DAGLB: variants seen among roughly 807,000 people sequenced by gnomAD.
DAGLB encodes the protein diacylglycerol lipase beta, also known as diacylglycerol lipase-beta.
A neutral mutation model predicts 72.1 loss-of-function variants in DAGLB; 66 were observed. The ratio of observed to expected loss-of-function variants is 0.92; its 90% CI spans 0.75 to 1.12. DAGLB has a LOEUF of 1.12. Among genes scored for constraint, DAGLB ranks in the 50% most tolerant of loss-of-function variants. The probability of loss-of-function intolerance (pLI) is 0.00; values close to 1 mark genes in which losing one functional copy is unlikely to be tolerated. For missense variants in DAGLB, 1,065 were observed against 884.9 expected (o/e 1.20, Z -2.58); for synonymous variants, 414 against 359.5 (o/e 1.15, Z -1.71).
chr7:6,415,528 GAATCAGCAAA>G (rs1783879219), intron 11 of DAGLB, among the ~76,000 whole-genome samples: 1 of 149,688 alleles, frequency 6.7e-6, no homozygotes, highest in Non-Finnish European at 1.5e-5. Flanking sequence ...CAGTATGCTG[GAATCAGCAAA>G]AAAAAATATA....
chr7:6,421,947 A>G (rs766109691), intron 8 of DAGLB, 143 bp from the exon 9 acceptor site: 39 of 927,322 alleles, frequency 4.2e-5, no homozygotes, highest in Non-Finnish European at 4.9e-5. Context: ...ACTGAACCCT[A>G]AACTAAAGAG....
At chr7:6,419,794 T>A (rs759784804) in intron 9 of DAGLB, among the ~76,000 whole-genome samples, 1 of 152,190 alleles carries the variant, frequency 6.6e-6, no homozygotes, top group Non-Finnish European at 1.5e-5. Context: ...CAGTTCCTCC[T>A]TTCCTCACAC....
rs560719564 is a variant in DAGLB, at chr7:6,428,332, A to G, written c.929+2148T>C. On this transcript the variant is annotated intron_variant, in intron 6 of 14. Transcript: ENST00000297056. ...CTCTGTCTCAAAAAAAAAAAAAAAAAAAAGAAAGAAAGAAAGAAAAAGAAA... is the reference window on the plus strand; with the variant it reads ...CTCTGTCTCAAAAAAAAAAAAAAAAGAAAGAAAGAAAGAAAGAAAAAGAAA... 3.9e-4 allele frequency among the ~76,000 whole-genome samples: 59 copies of G among 150,432 alleles called. 2 individuals carry two copies. The highest frequency in any genetic ancestry group is 1.2e-3 in the South Asian group (6 of 4,808).
At chr7:6,418,670 GTT>G (rs56699721) in intron 9 of DAGLB, among the ~76,000 whole-genome samples, 15 of 144,466 alleles carry the variant, frequency 1.0e-4, no homozygotes, top group African/African-American at 1.0e-4. Context: ...TTCTTTTTTT[GTT>G]TTTTTTTTTT....
At chr7:6,446,691 T>C (rs1214276932) in intron 1 of DAGLB, among the ~76,000 whole-genome samples, 1 of 150,190 alleles carries the variant, frequency 6.7e-6, no homozygotes, top group African/African-American at 2.4e-5. Flanking sequence ...TCACTGCACC[T>C]GGCCTGGAAT....
intron 4 of DAGLB, among the ~76,000 whole-genome samples, chr7:6,433,206 T>C (rs1399616003): frequency 6.6e-6 from 1 of 152,232 alleles, no homozygotes; most frequent in Non-Finnish European, 1.5e-5. Flanking sequence ...TCTTAAAATT[T>C]CACTTCATGT....
rs750068179 is a variant in DAGLB, at chr7:6,416,829, C to G, written c.1299+12G>C. ...AAGAGGACAAGGAAAGAAACGTTAA[C>G]TAAGATCTCACAGGAGCAATGCTGA... is the stretch of plus-strand genomic sequence containing the variant. On this transcript the variant is annotated intron_variant, in intron 10 of 14. Coordinates refer to ENST00000297056, the MANE Select transcript of DAGLB (RefSeq NM_139179.4). 1.2e-6 allele frequency: 2 copies of G among 1,614,232 alleles called. No homozygotes were observed. Among genetic ancestry groups the G allele is most frequent in the Non-Finnish European group, 1.7e-6 (2 of 1,180,042 alleles).
intron 9 of DAGLB, among the ~76,000 whole-genome samples, chr7:6,419,760 G>C (rs1562480608): frequency 6.6e-6 from 1 of 152,184 alleles, no homozygotes; most frequent in Non-Finnish European, 1.5e-5. Flanking sequence ...ACGGGTTTCT[G>C]GGGCATCTCT....
At chr7:6,436,595 T>C (rs1583298796) in intron 2 of DAGLB, 62 bp from the exon 3 acceptor site, 1 of 1,604,222 alleles carries the variant, frequency 6.2e-7, no homozygotes. Flanking sequence ...AGCTTCCTTT[T>C]TGCAAAAATA....
rs1050388231 is a variant in DAGLB at position 6,413,712 on chromosome 7, C to T, written c.1428-678G>A. Among the ~76,000 whole-genome samples, 3 of 152,168 alleles carry T rather than the reference C, an allele frequency of 2.0e-5. No homozygotes were observed. In the East Asian group the frequency reaches 5.8e-4, roughly 29 times the overall value. On this transcript the variant is annotated intron_variant, in intron 11 of 14. Coordinates refer to ENST00000297056, the MANE Select transcript of DAGLB (RefSeq NM_139179.4). ...GCGATTCACTGCGGCAGAACCTGCACCGGCAGAGGCTGGAGCCTCCAAACA... is the reference window on the plus strand; with the variant it reads ...GCGATTCACTGCGGCAGAACCTGCATCGGCAGAGGCTGGAGCCTCCAAACA...
In DAGLB at chr7:6,412,829, C is replaced by A. The variant is rs770618870; in HGVS notation, c.1551G>T (p.Ala517=). 6.9e-6 allele frequency: 11 copies of A among 1,592,092 alleles called. No individual in the cohort carries two copies. The highest frequency in any genetic ancestry group is 7.7e-6 in the Non-Finnish European group (9 of 1,166,886). The change falls in exon 13 of 15, where the codon GCG becomes GCT. Residue 517 remains alanine (A), a synonymous_variant. Transcript: ENST00000297056. ...DLKRRILRVV[A]HCNKPKYKIL... ...CGCTTACCTTGGGTTTATTGCAGTGCGCGACCACTCGCAAGATTCTTCTCT... is the reference window on the plus strand; with the variant it reads ...CGCTTACCTTGGGTTTATTGCAGTGAGCGACCACTCGCAAGATTCTTCTCT...
chr7:6,434,110 AG>A (rs1784577561), intron 4 of DAGLB, among the ~76,000 whole-genome samples: 1 of 152,134 alleles, frequency 6.6e-6, no homozygotes, highest in Non-Finnish European at 1.5e-5. Flanking sequence ...GATAGCACAG[AG>A]GTGGGAAGAG....
intron 8 of DAGLB, chr7:6,422,889 A>T (rs1583288231): frequency 6.6e-6 from 1 of 152,346 alleles, no homozygotes; most frequent in Non-Finnish European, 1.5e-5. Context: ...AGTTGGAATT[A>T]AAAAAAGAAC....
intron 4 of DAGLB, among the ~76,000 whole-genome samples, 182 bp from the exon 5 acceptor site, chr7:6,433,141 T>G (rs539336211): frequency 6.6e-6 from 1 of 152,246 alleles, no homozygotes; most frequent in Non-Finnish European, 1.5e-5. Context: ...GAATATGTTT[T>G]CACATCCTGC....
chr7:6,425,975 G>T lies in DAGLB; in HGVS notation c.1056+13C>A. 6.2e-7 allele frequency: 1 copy of T among 1,613,572 alleles called. No individual in the cohort carries two copies. The highest frequency in any genetic ancestry group is 8.5e-7 in the Non-Finnish European group (1 of 1,179,624). Reference sequence around the variant, plus strand: ...CAAAAGAAGTGAAGAGCCGCTGTCTGCAGCGTCCACACCTTGTCATGGAAG... The same window carrying T: ...CAAAAGAAGTGAAGAGCCGCTGTCTTCAGCGTCCACACCTTGTCATGGAAG... On this transcript the variant is annotated intron_variant, in intron 7 of 14. Coordinates refer to ENST00000297056, the MANE Select transcript of DAGLB (RefSeq NM_139179.4).
intron 2 of DAGLB, among the ~76,000 whole-genome samples, chr7:6,444,472 G>C (rs183720671): frequency 5.1e-4 from 78 of 151,940 alleles, no homozygotes; most frequent in African/African-American, 1.9e-3. Flanking sequence ...CGTGGTAGCG[G>C]GTGCCTGTAA....
At chr7:6,447,698 C>A in intron 1 of DAGLB, 50 bp downstream of exon 1, 1 of 1,583,284 alleles carries the variant, frequency 6.3e-7, no homozygotes, top group South Asian at 1.1e-5. Context: ...CAGCTCGCCC[C>A]CCGCTCCCTC....
intron 5 of DAGLB, among the ~76,000 whole-genome samples, 183 bp downstream of exon 5, chr7:6,432,654 C>T (rs1784520437): frequency 2.7e-5 from 3 of 110,404 alleles, no homozygotes; most frequent in African/African-American, 7.3e-5. Context: ...AGCGAGACTC[C>T]GTCTTAAAAA....
At chr7:6,441,918 G>A (rs1562489779) in intron 2 of DAGLB, among the ~76,000 whole-genome samples, 1 of 152,032 alleles carries the variant, frequency 6.6e-6, no homozygotes, top group African/African-American at 2.4e-5. Flanking sequence ...AGACGGCATC[G>A]GGGCTGCCCT....
Sources: allele counts gnomAD v4.1 joint callset (sites outside exome capture counted in the v4.1 genomes callset), GRCh38; gene constraint gnomAD v4.1.1; transcripts MANE v1.5; gene names NCBI Gene and HGNC (gene_info 2026-07-23, HGNC 2026-07-21).